MAMLD1: variants seen among roughly 807,000 people sequenced by gnomAD.
The protein encoded by MAMLD1 is mastermind like domain containing 1, also known as mastermind-like domain-containing protein 1.
Under a neutral mutation model 45.0 loss-of-function variants are expected in MAMLD1, and 14 were observed. The observed-to-expected ratio is 0.31, with a 90% CI of 0.21 to 0.49. MAMLD1 has a LOEUF of 0.49. MAMLD1 is among the 20% of genes least tolerant of loss of function. MAMLD1 has a pLI of 0.99. For missense variants in MAMLD1, 543 were observed against 603.6 expected (o/e 0.90, Z 1.05); for synonymous variants, 254 against 247.8 (o/e 1.02, Z -0.24).
chrX:150,366,341 C>T (rs1319183193), intron 1 of MAMLD1, among the ~76,000 whole-genome samples: 1 of 111,934 alleles, frequency 8.9e-6, no homozygotes, highest in East Asian at 2.8e-4. Context: ...ACACCCTCAA[C>T]GCGCATACAC....
rs191305646 is a variant in MAMLD1, at chrX:150,473,793, G to T, written c.2031G>T (p.Pro677=). 4.1e-6 allele frequency: 5 copies of T among 1,208,847 alleles called. No homozygotes were observed. Among genetic ancestry groups the T allele is most frequent in the Admixed American group, 2.2e-5 (1 of 45,904 alleles). Residue 677 remains proline (P), a synonymous_variant, in exon 5 of 8, where the codon CCG becomes CCT. Coordinates refer to ENST00000370401, the MANE Select transcript of MAMLD1 (RefSeq NM_005491.5). ...ATCCTCAGCCTGGAGACGTGTCACC[G>T]TCTAACATTGTGAGCCTTTCTGTTT... The part of the protein sequence containing the change: ...RQDPQPGDVS[P]SNITHVDKAC...
intron 1 of MAMLD1, among the ~76,000 whole-genome samples, chrX:150,386,866 T>C (rs1179798949): frequency 1.8e-5 from 2 of 111,533 alleles, no homozygotes; most frequent in Non-Finnish European, 3.8e-5. Context: ...TTCAGGCAGA[T>C]ATCCTTTCTT....
At chrX:150,414,028 C>CAAAAAAAAAAAGAAAAAAAAAAA (rs2034189577) in intron 1 of MAMLD1, among the ~76,000 whole-genome samples, 1 of 31,344 alleles carries the variant, frequency 3.2e-5, no homozygotes, top group Non-Finnish European at 5.0e-5. Flanking sequence ...CAGAAAACTG[C>CAAAAAAAAAAAGAAAAAAAAAAA]AAAAAAAAAA....
chrX:150,382,427 A>G (rs2032656290), intron 1 of MAMLD1, among the ~76,000 whole-genome samples: 1 of 111,735 alleles, frequency 8.9e-6, no homozygotes, highest in South Asian at 3.7e-4. Flanking sequence ...TACTCCTCCC[A>G]TTGTATAATT....
chrX:150,492,546 G>A (rs1202402428), intron 5 of MAMLD1, among the ~76,000 whole-genome samples: 1 of 111,992 alleles, frequency 8.9e-6, no homozygotes, highest in East Asian at 2.8e-4. Flanking sequence ...CTGCCTTTGG[G>A]ATAGTCACAA....
intron 5 of MAMLD1, among the ~76,000 whole-genome samples, chrX:150,482,593 G>T (rs2036851837): frequency 8.9e-6 from 1 of 112,471 alleles, no homozygotes; most frequent in Admixed American, 9.4e-5. Context: ...CTAATCAAAA[G>T]CAGTCTTTTC....
chrX:150,511,669 G>A (rs1293487248), intron 7 of MAMLD1, among the ~76,000 whole-genome samples: 1 of 112,351 alleles, frequency 8.9e-6, no homozygotes, highest in Middle Eastern at 4.6e-3. Context: ...TGCATACAGA[G>A]CACTGAGTGT....
In MAMLD1 at chrX:150,513,149, G is replaced by A. The variant is rs1557409330; in HGVS notation, c.*1190G>A. 1.1e-6 allele frequency: 1 copy of A among 874,044 alleles called. No individual in the cohort carries two copies. Among genetic ancestry groups the A allele is most frequent in the African/African-American group, 2.0e-5 (1 of 49,575 alleles). The allele number at this position is 874,044 out of a possible 1,213,427, so 72.0% of individuals were successfully genotyped here. The stretch of plus-strand genomic sequence containing the variant: ...GTGGTGTCGATCCATACCCGCAGTT[G>A]TCTCCCGTTACAATTTGAGTGGTGT... On this transcript the variant is annotated 3_prime_UTR_variant, in exon 8 of 8. Transcript: ENST00000370401.
At position 150,503,285 on chromosome X, in the gene MAMLD1, C is replaced by G. The variant is rs963319220; in HGVS notation, c.2052C>G (p.Asp684Glu). 1.7e-6 allele frequency: 2 copies of G among 1,209,964 alleles called. No homozygotes were observed. Among genetic ancestry groups the G allele is most frequent in the Non-Finnish European group, 1.1e-6 (1 of 894,426 alleles). Residue 684 changes from aspartate to glutamate, a missense_variant, in exon 6 of 8, where the codon GAC becomes GAG. Transcript: ENST00000370401. ...DVSPSNITHV[D>E]KACKLGEARH... The stretch of plus-strand genomic sequence containing the variant: ...ATCGGTTGTTGTAGACTCATGTAGA[C>G]AAAGCCTGCAAGCTTGGGGAAGCCA...
chrX:150,369,414 A>G (rs184143957), intron 1 of MAMLD1, among the ~76,000 whole-genome samples: 128 of 112,935 alleles, frequency 1.1e-3, no homozygotes, highest in African/African-American at 3.9e-3. Context: ...AGCTAGACAG[A>G]TAATAAAAAG....
intron 1 of MAMLD1, among the ~76,000 whole-genome samples, chrX:150,420,436 G>A (rs2034450263): frequency 9.1e-6 from 1 of 110,316 alleles, no homozygotes; most frequent in African/African-American, 3.3e-5. Context: ...TCTTCTCTCA[G>A]CTCGTCAAAG....
Position 150,470,465 on chromosome X carries a change from G to A in MAMLD1, c.892G>A (p.Val298Met). The change falls in exon 4 of 8, where the codon GTG becomes ATG. Residue 298 changes from valine (V) to methionine (M), a missense_variant. By Grantham distance (21) the Val-to-Met change is conservative (BLOSUM62 1). Coordinates refer to ENST00000370401, the MANE Select transcript of MAMLD1 (RefSeq NM_005491.5). ...MLPVALPPLP[V>M]PQWHHAHQLK... ...CCCTGTCGCTCTGCCCCCCTTACCA[G>A]TGCCTCAGTGGCATCACGCCCACCA... 3 of 1,211,921 alleles carry A rather than the reference G, an allele frequency of 2.5e-6. No homozygotes were observed. The highest frequency in any genetic ancestry group is 3.3e-6 in the Non-Finnish European group (3 of 895,566).
At chrX:150,442,465 G>A (rs375523705) in intron 1 of MAMLD1, among the ~76,000 whole-genome samples, 2 of 110,904 alleles carry the variant, frequency 1.8e-5, no homozygotes, top group African/African-American at 6.5e-5. Context: ...AGCATTTTTA[G>A]GGATCACTCT....
At chrX:150,472,829 GC>G (rs1400461872) in intron 4 of MAMLD1, among the ~76,000 whole-genome samples, 1 of 111,687 alleles carries the variant, frequency 9.0e-6, no homozygotes, top group African/African-American at 3.3e-5. Context: ...GTTCAGTGGG[GC>G]CAGGTCACAC....
At chrX:150,395,342 A>G (rs150671564) in intron 1 of MAMLD1, among the ~76,000 whole-genome samples, 1,789 of 111,821 alleles carry the variant, frequency 0.016, 94 homozygotes, top group Admixed American at 0.15. Context: ...TCAGTATTTC[A>G]TTGAACATTT....
intron 1 of MAMLD1, among the ~76,000 whole-genome samples, chrX:150,400,266 A>G (rs2033691559): frequency 8.9e-6 from 1 of 112,189 alleles, no homozygotes; most frequent in Non-Finnish European, 1.9e-5. Flanking sequence ...AGAGACTTCA[A>G]CTAATTTGAG....
chrX:150,403,964 G>GAAAGAAAGAAAGAAAGAAAGAAAGAA (rs2033912846), intron 1 of MAMLD1, among the ~76,000 whole-genome samples: 20 of 83,741 alleles, frequency 2.4e-4, no homozygotes, highest in East Asian at 3.3e-4. Flanking sequence ...AAGAAAGAAA[G>GAAAGAAAGAAAGAAAGAAAGAAAGAA]AAAGAAAGAA....
chrX:150,474,810 T>C (rs1439039744), intron 5 of MAMLD1, among the ~76,000 whole-genome samples: 1 of 112,152 alleles, frequency 8.9e-6, no homozygotes, highest in Middle Eastern at 4.2e-3. Context: ...CACTCTGTTC[T>C]CTACCTGGTA....
intron 1 of MAMLD1, among the ~76,000 whole-genome samples, chrX:150,364,908 G>C (rs375025645): frequency 1.8e-5 from 2 of 112,240 alleles, no homozygotes; most frequent in Non-Finnish European, 3.8e-5. Context: ...GCGGTGAGCC[G>C]GCGAGCGACA....
Sources: gnomAD v4.1 joint callset for allele counts (sites outside exome capture counted in the v4.1 genomes callset) on GRCh38, gnomAD v4.1.1 for gene constraint, MANE v1.5 for transcripts, NCBI Gene and HGNC (gene_info 2026-07-23, HGNC 2026-07-21) for gene names.